The following WIPI2 variants were observed in gnomAD, a reference collection of about 807,000 sequenced individuals.
WIPI2 encodes WD repeat domain phosphoinositide-interacting protein 2.
WIPI2 carries 28 observed loss-of-function variants against 52.3 expected under a neutral mutation model. The observed-to-expected ratio is 0.54, with a 90% confidence interval of 0.40 to 0.73. The LOEUF is 0.73. WIPI2 is among the 30% of genes least tolerant of loss of function. WIPI2 has a pLI of 0.00. For synonymous variants in WIPI2, 268 were observed against 245.0 expected, an observed-to-expected ratio of 1.09 and a Z score of -0.88; for missense variants, 506 against 602.9, an observed-to-expected ratio of 0.84 and a Z score of 1.68.
intron 3 of WIPI2, among the ~76,000 whole-genome samples, chr7:5,211,820 G>C (rs549086969): frequency 6.6e-6 from 1 of 152,324 alleles, no homozygotes; most frequent in East Asian, 1.9e-4. Flanking sequence ...GCTAATTAGA[G>C]CAGAGCTGAG....
intron 3 of WIPI2, among the ~76,000 whole-genome samples, chr7:5,206,895 T>C (rs1782321236): frequency 6.6e-6 from 1 of 152,178 alleles, no homozygotes; most frequent in African/African-American, 2.4e-5. Context: ...CTCCTGCCTC[T>C]GCCTCCAGAG....
chr7:5,230,219 C>G lies in WIPI2; in HGVS notation c.1252+481C>G, dbSNP rs1361555362. 6.6e-6 allele frequency among the ~76,000 whole-genome samples: 1 copy of G among 152,180 alleles called. No homozygotes were observed. The highest frequency in any genetic ancestry group is 1.9e-4 in the East Asian group (1 of 5,196). On this transcript the variant is annotated intron_variant, in intron 12 of 12. Transcript: ENST00000288828. The surrounding 1 kb of genome is among the most constrained non-coding windows in gnomAD (Gnocchi z 4.8). ...TTTGCCTCAGTCTTTTCCCTCCCACCTTTTTCGTCCTTCAGCAAATCTGCA... is the reference window on the plus strand; with the variant it reads ...TTTGCCTCAGTCTTTTCCCTCCCACGTTTTTCGTCCTTCAGCAAATCTGCA...
rs564574897 is a variant in WIPI2 at position 5,227,548 on chromosome 7, T to C, written c.1013+204T>C. 6.6e-6 allele frequency among the ~76,000 whole-genome samples: 1 copy of C among 152,330 alleles called. No individual in the cohort carries two copies. The highest frequency in any genetic ancestry group is 1.9e-4 in the East Asian group (1 of 5,178). ...TGCGGGGGTCCATTTCCAGACGGGC[T>C]CCCGTTCTGTTTTTGTGGATAGTCT... On this transcript the variant is annotated intron_variant, in intron 10 of 12. Transcript: ENST00000288828. The surrounding 1 kb of genome is among the most constrained non-coding windows in gnomAD (Gnocchi z 8.1).
At chr7:5,203,826 T>C (rs1426617316) in intron 3 of WIPI2, among the ~76,000 whole-genome samples, 1 of 151,868 alleles carries the variant, frequency 6.6e-6, no homozygotes. Context: ...GGTTTCACCG[T>C]GTTAGCCAGG....
chr7:5,218,517 GC>G (rs955321326), intron 7 of WIPI2: 1 of 156,400 alleles, frequency 6.4e-6, no homozygotes, highest in African/African-American at 2.4e-5. Context: ...TGTAATGGCC[GC>G]GCAGTATTTA....
intron 7 of WIPI2, 162 bp downstream of exon 7, chr7:5,218,176 A>T (rs1461672054): frequency 1.5e-6 from 1 of 654,436 alleles, no homozygotes; most frequent in Non-Finnish European, 2.6e-6. Flanking sequence ...GTACTGCCCG[A>T]GAGTGAGCGG....
intron 7 of WIPI2, chr7:5,219,162 C>A (rs572653353): frequency 1.3e-5 from 2 of 152,284 alleles, no homozygotes; most frequent in South Asian, 4.1e-4. Flanking sequence ...ATTTGTTTCC[C>A]CTCAGCAAGG....
At chr7:5,192,235 T>C (rs192837572) in intron 1 of WIPI2, among the ~76,000 whole-genome samples, 106 of 152,308 alleles carry the variant, frequency 7.0e-4, no homozygotes, top group African/African-American at 2.5e-3. Context: ...TTAATCCAGA[T>C]AGGGAAAAGG....
chr7:5,207,126 T>A (rs1445348934), intron 3 of WIPI2, among the ~76,000 whole-genome samples: 1 of 152,192 alleles, frequency 6.6e-6, no homozygotes, highest in Non-Finnish European at 1.5e-5. Flanking sequence ...TCAGTACATT[T>A]CTCCTCAATA....
chr7:5,226,129 C>T, intron 9 of WIPI2, 199 bp downstream of exon 9: 1 of 588,480 alleles, frequency 1.7e-6, no homozygotes, highest in East Asian at 2.9e-5. Context: ...ATGAGCTTCT[C>T]CCACAGGCAG....
chr7:5,232,211 A>G lies in WIPI2; in HGVS notation c.*1264A>G. 7.5e-6 allele frequency: 3 copies of G among 398,656 alleles called. No homozygotes were observed. The highest frequency in any genetic ancestry group is 7.1e-5 in the East Asian group (2 of 28,082). The allele number at this position is 398,656 out of a possible 1,614,324, so 24.7% of individuals were successfully genotyped here. A position where few individuals can be genotyped will look rare whatever the true frequency, so the allele number is the denominator to read the frequency against. On this transcript the variant is annotated 3_prime_UTR_variant, in exon 13 of 13. Coordinates refer to ENST00000288828, the MANE Select transcript of WIPI2 (RefSeq NM_015610.4). ...GGATAGAAGGGAAAAGGCAAAAACTATTTACCCTGCCTTTGCAGGCTGGGG... is the reference window on the plus strand; with the variant it reads ...GGATAGAAGGGAAAAGGCAAAAACTGTTTACCCTGCCTTTGCAGGCTGGGG...
At chr7:5,213,810 T>C (rs149182427) in intron 3 of WIPI2, among the ~76,000 whole-genome samples, 3,519 of 152,250 alleles carry the variant, frequency 0.023, 126 homozygotes, top group African/African-American at 0.079. Flanking sequence ...CTCAGGCTCC[T>C]GAGTAGCTGG....
intron 2 of WIPI2, among the ~76,000 whole-genome samples, chr7:5,194,524 T>G (rs1033388355): frequency 6.6e-6 from 1 of 152,244 alleles, no homozygotes; most frequent in East Asian, 1.9e-4. Flanking sequence ...ACGGAGACTT[T>G]CAGTTAAAAA....
At position 5,228,172 on chromosome 7, in the gene WIPI2, C is replaced by T; in HGVS notation, c.1082C>T (p.Pro361Leu). Residue 361 changes from proline (P) to leucine (L), a missense_variant, in exon 11 of 13, where the codon CCC (proline) becomes CTC (leucine). Pro to Leu is a moderately conservative substitution (Grantham distance 98, BLOSUM62 -3). Around this residue, in one of 4 missense-constraint regions of WIPI2, gnomAD observed 194 missense variants for 175.1 expected, o/e 1.11. Transcript: ENST00000288828. Reference sequence around the variant, plus strand: ...TACCTGTACATGTACAACCTGGACCCCCAGGAGGGCGGCGAGTGTGCCCTG... The same window carrying T: ...TACCTGTACATGTACAACCTGGACCTCCAGGAGGGCGGCGAGTGTGCCCTG... ...DGYLYMYNLDPQEGGECALMK... is the reference protein window; with the variant it reads ...DGYLYMYNLDLQEGGECALMK... The T allele has an allele frequency of 3.7e-6, 6 of 1,613,730 alleles. No homozygotes were observed. The highest frequency in any genetic ancestry group is 5.1e-6 in the Non-Finnish European group (6 of 1,179,976).
chr7:5,217,201 C>T lies in WIPI2; in HGVS notation c.576+14C>T. 1 of 1,613,774 alleles carries T rather than the reference C, an allele frequency of 6.2e-7. No individual in the cohort carries two copies. The highest frequency in any genetic ancestry group is 8.5e-7 in the Non-Finnish European group (1 of 1,179,736). Reference sequence around the variant, plus strand: ...ACCATTAATTTGGTGAGATGCCTTTCCTGCTCGAATAGCTCTCTAAAGTGT... The same window carrying T: ...ACCATTAATTTGGTGAGATGCCTTTTCTGCTCGAATAGCTCTCTAAAGTGT... On this transcript the variant is annotated intron_variant, in intron 6 of 12. Transcript: ENST00000288828.
intron 3 of WIPI2, among the ~76,000 whole-genome samples, chr7:5,201,177 C>T (rs1341724537): frequency 6.6e-6 from 1 of 152,236 alleles, no homozygotes; most frequent in Non-Finnish European, 1.5e-5. Flanking sequence ...GCAGCCCCGT[C>T]TCCAGGCTTT....
intron 9 of WIPI2, 36 bp downstream of exon 9, chr7:5,225,966 C>G: frequency 6.3e-6 from 10 of 1,575,468 alleles, no homozygotes; most frequent in Non-Finnish European, 8.7e-6. Flanking sequence ...AAAAATGATG[C>G]AAAACCCTTT....
intron 8 of WIPI2, among the ~76,000 whole-genome samples, chr7:5,224,474 A>G (rs1464377093): frequency 6.6e-6 from 1 of 152,224 alleles, no homozygotes; most frequent in Non-Finnish European, 1.5e-5. Flanking sequence ...ATTGCAGTAG[A>G]GAAAGTAATT....
intron 3 of WIPI2, among the ~76,000 whole-genome samples, chr7:5,200,432 G>A (rs557813217): frequency 1.8e-4 from 27 of 152,274 alleles, no homozygotes; most frequent in Middle Eastern, 3.4e-3. Context: ...TCTTCCCAGT[G>A]TAACATCTCG....
Sources: allele counts gnomAD v4.1 joint callset (sites outside exome capture counted in the v4.1 genomes callset), GRCh38; gene constraint gnomAD v4.1.1; regional missense constraint gnomAD v4.1.1; non-coding constraint Gnocchi (gnomAD v3.1); transcripts MANE v1.5; gene names NCBI Gene and HGNC (gene_info 2026-07-23, HGNC 2026-07-21).